MYO5B: variants seen among roughly 807,000 people sequenced by gnomAD.
MYO5B encodes myosin VB, also known as unconventional myosin-Vb.
A neutral mutation model predicts 229.3 loss-of-function variants in MYO5B; 143 were observed. That is an observed-to-expected ratio of 0.62 (90% CI 0.54 to 0.72). The LOEUF is 0.72. Ranked by LOEUF, MYO5B falls within the 30% of genes least tolerant of loss-of-function variation. The pLI is 0.00. For missense variants in MYO5B, 2,321 were observed against 2,331.0 expected (o/e 1.00, Z 0.09); for synonymous variants, 918 against 885.2 (o/e 1.04, Z -0.66).
At chr18:50,104,944 T>C (rs2031727624) in intron 1 of MYO5B, among the ~76,000 whole-genome samples, 1 of 151,630 alleles carries the variant, frequency 6.6e-6, no homozygotes, top group African/African-American at 2.4e-5. Flanking sequence ...GGTGCTCAGA[T>C]GGAAAAATTG....
At chr18:50,182,673 T>G (rs2033089249) in intron 1 of MYO5B, among the ~76,000 whole-genome samples, 1 of 152,192 alleles carries the variant, frequency 6.6e-6, no homozygotes, top group Admixed American at 6.5e-5. Context: ...GGCTCCACAT[T>G]CCATAGACTT....
rs774950157 is a variant in MYO5B, at chr18:49,878,982, C to T, written c.3239G>A (p.Arg1080Lys). 1.2e-6 allele frequency: 2 copies of T among 1,614,076 alleles called. No individual in the cohort carries two copies. Among genetic ancestry groups the T allele is most frequent in the Non-Finnish European group, 1.7e-6 (2 of 1,180,044 alleles). ...LVKEYSQLEQ[R>K]YDNLRDEMTI... is the part of the protein sequence containing the mutation. ...CATTTCATCCCGAAGGTTGTCGTATCTCTGCTCCAACTGTGAATATTCCTT... is the reference window on the plus strand; with the variant it reads ...CATTTCATCCCGAAGGTTGTCGTATTTCTGCTCCAACTGTGAATATTCCTT... Residue 1080 changes from arginine (R) to lysine (K), a missense_variant, in exon 24 of 40, where the codon AGA becomes AAA. Around this residue, in one of 2 missense-constraint regions of MYO5B, gnomAD observed 2,113 missense variants for 2,044.7 expected, o/e 1.03. Transcript: ENST00000285039.
At chr18:50,014,726 A>C (rs2026198897) in intron 4 of MYO5B, among the ~76,000 whole-genome samples, 1 of 152,156 alleles carries the variant, frequency 6.6e-6, no homozygotes, top group Non-Finnish European at 1.5e-5. Context: ...GTAGGATGGG[A>C]AGGATGTCTG....
At chr18:49,900,851 C>G (rs1360318579) in intron 21 of MYO5B, among the ~76,000 whole-genome samples, 1 of 152,152 alleles carries the variant, frequency 6.6e-6, no homozygotes, top group African/African-American at 2.4e-5. Flanking sequence ...CCAAACGCAG[C>G]AGTAGGCATG....
Position 49,841,411 on chromosome 18 carries a change from T to C in MYO5B, c.4655A>G (p.Asn1552Ser), listed in dbSNP as rs573278576. 5.6e-6 allele frequency: 9 copies of C among 1,614,186 alleles called. No individual in the cohort carries two copies. The South Asian group carries it at 7.7e-5, about 14-fold the overall frequency. The part of the protein sequence containing the change: ...DFEMTSFWLS[N>S]TCRLLHCLKQ... ...CAGACAGTGAAGAAGGCGGCAGGTG[T>C]TGGATAACCAGAATGACGTCATCTC... Residue 1552 changes from asparagine to serine, a missense_variant, in exon 35 of 40, where the codon AAC becomes AGC. By Grantham distance (46) the Asn-to-Ser change is conservative. Coordinates refer to ENST00000285039, the MANE Select transcript of MYO5B (RefSeq NM_001080467.3).
chr18:49,895,229 G>T (rs2024765063), intron 21 of MYO5B, 55 bp from the exon 22 acceptor site: 1 of 1,463,068 alleles, frequency 6.8e-7, no homozygotes, highest in Admixed American at 1.7e-5. Flanking sequence ...GGAAGAAAAG[G>T]TTATTTTACC....
chr18:50,120,506 C>T (rs549976105), intron 1 of MYO5B, among the ~76,000 whole-genome samples: 6 of 152,274 alleles, frequency 3.9e-5, no homozygotes, highest in African/African-American at 9.6e-5. Context: ...AGCACACCTA[C>T]GAAGTGGAAC....
At chr18:49,889,973 C>G (rs2024690151) in intron 22 of MYO5B, among the ~76,000 whole-genome samples, 1 of 152,214 alleles carries the variant, frequency 6.6e-6, no homozygotes, top group Non-Finnish European at 1.5e-5. Context: ...CTTTATTATT[C>G]TAAGCCATAC....
intron 1 of MYO5B, among the ~76,000 whole-genome samples, chr18:50,069,124 G>C (rs918123154): frequency 6.6e-6 from 1 of 152,014 alleles, no homozygotes; most frequent in Non-Finnish European, 1.5e-5. Context: ...TCCAAAAACT[G>C]TCCTGGGTGC....
In MYO5B at chr18:49,946,778, C is replaced by T. The variant is rs573258442; in HGVS notation, c.1752+6482G>A. On this transcript the variant is annotated intron_variant, in intron 14 of 39. Transcript: ENST00000285039. ...AGACTGCCTTTGGCAGTGGCAGGATCTGGGATTTAGAGGGAGATGACTGTG... is the reference window on the plus strand; with the variant it reads ...AGACTGCCTTTGGCAGTGGCAGGATTTGGGATTTAGAGGGAGATGACTGTG... Among the ~76,000 whole-genome samples, 4 of 152,206 alleles carry T rather than the reference C, an allele frequency of 2.6e-5. No homozygotes were observed. In the South Asian group the frequency reaches 8.3e-4, roughly 32 times the overall value.
At chr18:49,867,003 C>A (rs1325425389) in intron 27 of MYO5B, among the ~76,000 whole-genome samples, 2 of 152,154 alleles carry the variant, frequency 1.3e-5, no homozygotes, top group African/African-American at 4.8e-5. Context: ...GCAGGACTTG[C>A]CGGGGAAATG....
intron 32 of MYO5B, among the ~76,000 whole-genome samples, chr18:49,847,610 G>T (rs2024146894): frequency 6.6e-6 from 1 of 152,126 alleles, no homozygotes; most frequent in Non-Finnish European, 1.5e-5. Flanking sequence ...AACTTGTGAA[G>T]GATGACAGCC....
chr18:50,169,676 G>A lies in MYO5B; in HGVS notation c.27+25091C>T, dbSNP rs867484655. Among the ~76,000 whole-genome samples the A allele has an allele frequency of 3.1e-5, 4 of 127,712 alleles. 1 individual carries two copies. The Admixed American group carries it at 3.4e-4, about 11-fold the overall frequency. The allele number at this position is 127,712 out of a possible 152,430, so 83.8% of individuals were successfully genotyped here. The stretch of plus-strand genomic sequence containing the variant: ...TGATGTATAACCCTGGATTGGTACC[G>A]TTATCATAAAGGGTATTACTGAGTC... On this transcript the variant is annotated intron_variant, in intron 1 of 39. Transcript: ENST00000285039.
intron 33 of MYO5B, among the ~76,000 whole-genome samples, chr18:49,846,752 G>A (rs541869003): frequency 1.3e-5 from 2 of 152,128 alleles, no homozygotes; most frequent in African/African-American, 2.4e-5. Flanking sequence ...AAGGAGGGAT[G>A]AGTCTGGTAG....
intron 1 of MYO5B, among the ~76,000 whole-genome samples, chr18:50,131,713 A>G (rs982310322): frequency 1.3e-5 from 2 of 152,248 alleles, no homozygotes; most frequent in African/African-American, 4.8e-5. Flanking sequence ...AGCTGGATAC[A>G]GTACTGAGAT....
chr18:49,896,018 C>T (rs1052100502), intron 21 of MYO5B, among the ~76,000 whole-genome samples: 5 of 152,226 alleles, frequency 3.3e-5, no homozygotes, highest in East Asian at 3.9e-4. Context: ...GATTATTCTT[C>T]ATTGCTCTGG....
chr18:49,930,005 T>A (rs755845268), intron 16 of MYO5B, among the ~76,000 whole-genome samples: 13 of 152,208 alleles, frequency 8.5e-5, no homozygotes, highest in African/African-American at 1.2e-4. Context: ...GCCCCATTAT[T>A]TGGCTCAAGC....
At chr18:49,878,902 G>T in intron 24 of MYO5B, 43 bp downstream of exon 24, 2 of 1,612,166 alleles carry the variant, frequency 1.2e-6, no homozygotes, top group Non-Finnish European at 8.5e-7. Flanking sequence ...CTGGACAGGA[G>T]CCAGGGACCT....
At chr18:49,990,652 C>T (rs965570789) in intron 6 of MYO5B, 132 bp from the exon 7 acceptor site, 1 of 728,788 alleles carries the variant, frequency 1.4e-6, no homozygotes, top group Non-Finnish European at 2.4e-6. Context: ...TCCTCCACAC[C>T]TCTGCCACCT....
Sources: allele counts gnomAD v4.1 joint callset (sites outside exome capture counted in the v4.1 genomes callset), GRCh38; gene constraint gnomAD v4.1.1; regional missense constraint gnomAD v4.1.1; transcripts MANE v1.5; gene names NCBI Gene and HGNC (gene_info 2026-07-23, HGNC 2026-07-21).